Variants in PRPSAP1 observed in about 807,000 individuals in gnomAD.
The protein encoded by PRPSAP1 is phosphoribosyl pyrophosphate synthase-associated protein 1.
In PRPSAP1, 31 loss-of-function variants were observed where a neutral mutation model predicts 39.4. The observed-to-expected ratio is 0.79, with a 90% confidence interval of 0.59 to 1.06. The LOEUF is 1.06. Among genes scored for constraint, PRPSAP1 ranks in the 50% least tolerant of loss-of-function variants. The probability of loss-of-function intolerance (pLI) is 0.00; values close to 1 mark genes in which losing one functional copy is unlikely to be tolerated. For synonymous variants in PRPSAP1, 212 were observed against 192.6 expected (o/e 1.10, Z -0.83); for missense variants, 430 against 511.6 (o/e 0.84, Z 1.54).
At chr17:76,347,484 C>CAAA (rs71161289) in intron 2 of PRPSAP1, among the ~76,000 whole-genome samples, 24 of 25,212 alleles carry the variant, frequency 9.5e-4, no homozygotes, top group East Asian at 2.0e-3. Flanking sequence ...AAGACTCCGT[C>CAAA]AAAAAAAAAA....
chr17:76,344,371 C>T (rs751039164), intron 3 of PRPSAP1, among the ~76,000 whole-genome samples: 5 of 152,100 alleles, frequency 3.3e-5, no homozygotes, highest in Non-Finnish European at 2.9e-5. Flanking sequence ...CCTCGTGATC[C>T]GCCCGCCTCG....
At chr17:76,323,290 C>T (rs1030361241) in intron 7 of PRPSAP1, among the ~76,000 whole-genome samples, 4 of 147,082 alleles carry the variant, frequency 2.7e-5, no homozygotes, top group Non-Finnish European at 4.5e-5. Context: ...TGCACTGAGC[C>T]GAGATTGCGC....
At chr17:76,322,542 T>A (rs192259059) in intron 7 of PRPSAP1, among the ~76,000 whole-genome samples, 1 of 152,172 alleles carries the variant, frequency 6.6e-6, no homozygotes, top group Non-Finnish European at 1.5e-5. Flanking sequence ...AGTCTTATTA[T>A]TAAGAGTAAT....
chr17:76,341,871 G>A (rs778816148), intron 3 of PRPSAP1, among the ~76,000 whole-genome samples: 41 of 152,246 alleles, frequency 2.7e-4, no homozygotes, highest in Non-Finnish European at 4.6e-4. Context: ...CTCGGGAGGC[G>A]GAGCTTGCAG....
intron 3 of PRPSAP1, among the ~76,000 whole-genome samples, chr17:76,334,768 T>C (rs999136718): frequency 1.8e-4 from 27 of 152,238 alleles, no homozygotes; most frequent in African/African-American, 6.5e-4. Flanking sequence ...TCTCAATAAA[T>C]TGGAGCATTT....
Position 76,309,883 on chromosome 17 carries a change from GAGGTACT to G in PRPSAP1, c.*1652_*1658del, listed in dbSNP as rs1462124400. ...GTTCAGATTTTTCACTTCAGCCTGA[GAGGTACT>G]GTTTATTTAATTGAAGGATTTTCGA... is the stretch of plus-strand genomic sequence containing the variant. On this transcript the variant is annotated 3_prime_UTR_variant, in exon 10 of 10. Transcript: ENST00000446526. 6 of 152,138 alleles carry G rather than the reference GAGGTACT, an allele frequency of 3.9e-5. No homozygotes were observed. The highest frequency in any genetic ancestry group is 1.4e-4 in the African/African-American group (6 of 41,414). The allele number at this position is 152,138 out of a possible 1,614,324, so 9.4% of individuals were successfully genotyped here. A position where few individuals can be genotyped will look rare whatever the true frequency, so the allele number is the denominator to read the frequency against.
chr17:76,325,324 G>C (rs1345500901), intron 7 of PRPSAP1, among the ~76,000 whole-genome samples: 1 of 145,860 alleles, frequency 6.9e-6, no homozygotes, highest in Non-Finnish European at 1.5e-5. Flanking sequence ...CAGGAGAATG[G>C]CGTGAACCCG....
At chr17:76,331,361 C>A (rs57032897) in intron 4 of PRPSAP1, among the ~76,000 whole-genome samples, 1 of 152,134 alleles carries the variant, frequency 6.6e-6, no homozygotes, top group Non-Finnish European at 1.5e-5. Context: ...AGTTGACCAT[C>A]TGGATCTATG....
At chr17:76,316,099 C>T (rs1362867175) in intron 7 of PRPSAP1, among the ~76,000 whole-genome samples, 1 of 150,054 alleles carries the variant, frequency 6.7e-6, no homozygotes, top group Non-Finnish European at 1.5e-5. Flanking sequence ...TTGCTTGAAC[C>T]CAGGAGGCAA....
intron 1 of PRPSAP1, among the ~76,000 whole-genome samples, chr17:76,351,478 G>A (rs1241604330): frequency 2.6e-5 from 4 of 151,984 alleles, no homozygotes; most frequent in Non-Finnish European, 5.9e-5. Flanking sequence ...TCGCGCCACT[G>A]CACTCCAGCC....
At chr17:76,335,806 G>C (rs1248607787) in intron 3 of PRPSAP1, among the ~76,000 whole-genome samples, 2 of 152,108 alleles carry the variant, frequency 1.3e-5, no homozygotes, top group African/African-American at 4.8e-5. Flanking sequence ...GGGCAACATA[G>C]CAAGACCTGG....
chr17:76,344,625 T>C (rs2071476347), intron 3 of PRPSAP1, 46 bp downstream of exon 3: 1 of 1,351,904 alleles, frequency 7.4e-7, no homozygotes, highest in Admixed American at 2.2e-5. Flanking sequence ...TCAATTATAT[T>C]GTTAAGGTTT....
At chr17:76,346,483 A>T (rs2071502038) in intron 2 of PRPSAP1, among the ~76,000 whole-genome samples, 1 of 152,200 alleles carries the variant, frequency 6.6e-6, no homozygotes, top group African/African-American at 2.4e-5. Context: ...TTAAAGCCAG[A>T]CATCTGTTGG....
chr17:76,348,532 C>T lies in PRPSAP1; in HGVS notation c.220G>A (p.Gly74Arg), dbSNP rs756653818. Residue 74 changes from glycine to arginine, a missense_variant, in exon 2 of 10, where the codon GGA (glycine) becomes AGA (arginine). By Grantham distance (125) the Gly-to-Arg change is moderately radical (BLOSUM62 -2). Around this residue, in one of 2 missense-constraint regions of PRPSAP1, gnomAD observed 152 missense variants for 135.2 expected, o/e 1.12. Transcript: ENST00000446526. ...AAAAGAAATAATTTTAACTTACCTC[C>T]ATTGGTCTCTTGATATACAACAGAC... ...GKSVVYQETN[G>R]ETRVEIKESV... 51 of 1,469,102 alleles carry T rather than the reference C, an allele frequency of 3.5e-5. No individual in the cohort carries two copies. Among genetic ancestry groups the T allele is most frequent in the Non-Finnish European group, 4.5e-5 (50 of 1,114,690 alleles). 91.0% of individuals were successfully genotyped at this position (1,469,102 alleles called of 1,614,324 possible).
At chr17:76,319,641 G>T (rs1294060634) in intron 7 of PRPSAP1, among the ~76,000 whole-genome samples, 2 of 151,898 alleles carry the variant, frequency 1.3e-5, no homozygotes, top group African/African-American at 2.4e-5. Context: ...GCTAATTTTT[G>T]TAATTTTAGT....
chr17:76,315,784 G>C (rs896968685), intron 7 of PRPSAP1, among the ~76,000 whole-genome samples: 6 of 137,278 alleles, frequency 4.4e-5, no homozygotes, highest in African/African-American at 8.3e-5. Context: ...GCACGATCTC[G>C]GCTCACTGCA....
intron 3 of PRPSAP1, among the ~76,000 whole-genome samples, chr17:76,333,909 G>C (rs2071352715): frequency 1.3e-5 from 2 of 151,954 alleles, no homozygotes; most frequent in Non-Finnish European, 1.5e-5. Flanking sequence ...CACTTATTAA[G>C]AAATGGTCTC....
At chr17:76,330,287 G>T (rs2071306659) in intron 5 of PRPSAP1, 189 bp from the exon 6 acceptor site, 3 of 585,664 alleles carry the variant, frequency 5.1e-6, no homozygotes, top group Admixed American at 3.3e-5. Context: ...CCTACGTCAA[G>T]AATTTTTTAA....
chr17:76,351,379 G>T (rs2071569011), intron 1 of PRPSAP1, among the ~76,000 whole-genome samples: 1 of 152,210 alleles, frequency 6.6e-6, no homozygotes, highest in African/African-American at 2.4e-5. Flanking sequence ...GCTGTGCGAG[G>T]TGGCGGGGGC....
Sources: gnomAD v4.1 joint callset for allele counts (sites outside exome capture counted in the v4.1 genomes callset) on GRCh38, gnomAD v4.1.1 for gene constraint, gnomAD v4.1.1 regional missense constraint, MANE v1.5 for transcripts, NCBI Gene and HGNC (gene_info 2026-07-23, HGNC 2026-07-21) for gene names.